TENM3: variants seen among roughly 807,000 people sequenced by gnomAD.
TENM3 encodes the protein teneurin-3.
Under a neutral mutation model 255.1 loss-of-function variants are expected in TENM3, and 63 were observed. The ratio of observed to expected loss-of-function variants is 0.25; its 90% confidence interval spans 0.20 to 0.30. The LOEUF is 0.30. TENM3 is among the 10% of genes least tolerant of loss of function. The pLI is 1.00. For synonymous variants in TENM3, 1,306 were observed against 1,322.3 expected (o/e 0.99, Z 0.27); for missense variants, 2,929 against 3,461.1 (o/e 0.85, Z 3.86).
chr4:182,151,749 A>G (rs573711813), intron 1 of TENM3, among the ~76,000 whole-genome samples: 1 of 152,064 alleles, frequency 6.6e-6, no homozygotes, highest in Non-Finnish European at 1.5e-5. Context: ...ATAAGCAAAA[A>G]TGAAATGAAT....
At chr4:182,597,922 G>A (rs1173614915) in intron 3 of TENM3, among the ~76,000 whole-genome samples, 1 of 152,210 alleles carries the variant, frequency 6.6e-6, no homozygotes, top group Non-Finnish European at 1.5e-5. Flanking sequence ...GCTCATGCCT[G>A]TAATCCCAGC....
At chr4:182,356,265 G>C (rs1273228966) in intron 3 of TENM3, among the ~76,000 whole-genome samples, 2 of 152,202 alleles carry the variant, frequency 1.3e-5, no homozygotes, top group East Asian at 3.9e-4. Flanking sequence ...TCAGAAAGGA[G>C]GCTGAGGTGA....
the TENM3 span, among the ~76,000 whole-genome samples, chr4:182,018,000 G>A: frequency 6.6e-6 from 1 of 152,150 alleles, no homozygotes; most frequent in Non-Finnish European, 1.5e-5. Context: ...GGAAATTTAT[G>A]GTGAGGCAGG....
the TENM3 span, among the ~76,000 whole-genome samples, chr4:182,111,167 C>T: frequency 6.8e-6 from 1 of 146,012 alleles, no homozygotes. Context: ...AAGACTGTAT[C>T]CGGATATACA....
the TENM3 span, among the ~76,000 whole-genome samples, chr4:181,506,802 C>T: frequency 2.0e-5 from 3 of 151,800 alleles, no homozygotes; most frequent in African/African-American, 7.2e-5. Flanking sequence ...AAAGAAGTTA[C>T]TCTTTCTGAG....
the TENM3 span, among the ~76,000 whole-genome samples, chr4:182,075,817 A>G: frequency 6.6e-6 from 1 of 152,146 alleles, no homozygotes; most frequent in Non-Finnish European, 1.5e-5. Context: ...GTGCTTCCCA[A>G]CGGGAACCTG....
chr4:182,213,874 T>C (rs1404797747), intron 1 of TENM3, among the ~76,000 whole-genome samples: 1 of 152,130 alleles, frequency 6.6e-6, no homozygotes, highest in Non-Finnish European at 1.5e-5. Context: ...CGATCTCGGC[T>C]CACTGCAAGC....
intron 3 of TENM3, among the ~76,000 whole-genome samples, chr4:182,399,955 T>G (rs1396996342): frequency 6.6e-6 from 1 of 152,170 alleles, no homozygotes; most frequent in African/African-American, 2.4e-5. Context: ...CTTTGCTATT[T>G]TAAAAATTGA....
chr4:182,357,214 G>A (rs1351627046), intron 3 of TENM3, among the ~76,000 whole-genome samples: 2 of 151,738 alleles, frequency 1.3e-5, no homozygotes, highest in Non-Finnish European at 2.9e-5. Context: ...ATGATTTATA[G>A]TCCTTTGGGT....
At chr4:181,630,854 C>T in the TENM3 span, among the ~76,000 whole-genome samples, 3 of 152,204 alleles carry the variant, frequency 2.0e-5, no homozygotes, top group Non-Finnish European at 2.9e-5. Context: ...TCTATTAGGT[C>T]CGCTTGGTGT....
intron 2 of TENM3, among the ~76,000 whole-genome samples, chr4:182,333,973 C>T (rs759868324): frequency 1.3e-5 from 2 of 152,126 alleles, no homozygotes; most frequent in African/African-American, 2.4e-5. Flanking sequence ...GTCTGCCTTG[C>T]CGTAGCTGAC....
chr4:182,099,113 C>T, the TENM3 span, among the ~76,000 whole-genome samples: 2 of 151,572 alleles, frequency 1.3e-5, no homozygotes, highest in African/African-American at 2.4e-5. Flanking sequence ...AGGTGTATGC[C>T]GCCACGCCCA....
chr4:181,647,485 T>C, the TENM3 span, among the ~76,000 whole-genome samples: 3 of 152,204 alleles, frequency 2.0e-5, no homozygotes, highest in Non-Finnish European at 4.4e-5. Flanking sequence ...GGGTGCAATA[T>C]GTGTGATATT....
chr4:181,467,193 G>A, the TENM3 span, among the ~76,000 whole-genome samples: 18 of 139,318 alleles, frequency 1.3e-4, no homozygotes, highest in Admixed American at 9.6e-4. Context: ...ACAATGGCAC[G>A]ATCTTGGCTC....
chr4:182,103,705 C>T, the TENM3 span, among the ~76,000 whole-genome samples: 1 of 152,184 alleles, frequency 6.6e-6, no homozygotes, highest in Non-Finnish European at 1.5e-5. Flanking sequence ...CTTCTTCTGA[C>T]ATCAAAGCTT....
At chr4:182,750,944 A>G (rs759658300) in intron 19 of TENM3, among the ~76,000 whole-genome samples, 6 of 152,206 alleles carry the variant, frequency 3.9e-5, no homozygotes, top group Non-Finnish European at 8.8e-5. Flanking sequence ...CTGTAAGGAT[A>G]TTAACTTTTT....
chr4:182,480,040 A>T (rs1182736661), intron 3 of TENM3, among the ~76,000 whole-genome samples: 1 of 151,994 alleles, frequency 6.6e-6, no homozygotes, highest in Non-Finnish European at 1.5e-5. Context: ...CTTGGGTATG[A>T]TGGATAGCAA....
intron 1 of TENM3, among the ~76,000 whole-genome samples, chr4:182,214,717 A>G (rs1042040479): frequency 9.2e-5 from 14 of 152,144 alleles, no homozygotes; most frequent in African/African-American, 3.1e-4. Context: ...AATTCTCTCC[A>G]GATTTCTCCT....
the TENM3 span, among the ~76,000 whole-genome samples, chr4:181,560,629 C>T: frequency 6.6e-6 from 1 of 152,086 alleles, no homozygotes; most frequent in African/African-American, 2.4e-5. Context: ...TATGATTTAC[C>T]TTATTTTTGT....
Sources: gnomAD v4.1 joint callset for allele counts (sites outside exome capture counted in the v4.1 genomes callset) on GRCh38, gnomAD v4.1.1 for gene constraint, MANE v1.5 for transcripts, NCBI Gene and HGNC (gene_info 2026-07-23, HGNC 2026-07-21) for gene names.